NCOA2: variants seen among roughly 807,000 people sequenced by gnomAD.
NCOA2 encodes the protein nuclear receptor coactivator 2, also known as class E basic helix-loop-helix protein 75.
A neutral mutation model predicts 145.1 loss-of-function variants in NCOA2; 21 were observed. That is an observed-to-expected ratio of 0.14 (90% CI 0.10 to 0.21). The LOEUF (loss-of-function observed/expected upper bound fraction) is 0.21. NCOA2 is among the 10% of genes least tolerant of loss of function. The pLI, the probability that NCOA2 is intolerant of heterozygous loss-of-function variation, is 1.00. For synonymous variants in NCOA2, 619 were observed against 637.5 expected, an observed-to-expected ratio of 0.97 and a Z score of 0.44; for missense variants, 1,472 against 1,837.6, an observed-to-expected ratio of 0.80 and a Z score of 3.64.
rs144724083 is a variant in NCOA2 at position 70,111,502 on chromosome 8, A to G, written c.*2130T>C. 149 of 218,396 alleles carry G rather than the reference A, an allele frequency of 6.8e-4. 2 individuals carry two copies. The highest frequency in any genetic ancestry group is 3.0e-3 in the African/African-American group (135 of 44,586). 13.5% of individuals were successfully genotyped at this position (218,396 alleles called of 1,614,324 possible). A position where few individuals can be genotyped will look rare whatever the true frequency, so the allele number is the denominator to read the frequency against. Reference sequence around the variant, plus strand: ...TTTTCCATCACAGTTGGGCAACCCAATGGTTTGGTGGAGAAAAGTAGAGCC... The same window carrying G: ...TTTTCCATCACAGTTGGGCAACCCAGTGGTTTGGTGGAGAAAAGTAGAGCC... On this transcript the variant is annotated 3_prime_UTR_variant, in exon 23 of 23. Transcript: ENST00000452400.
chr8:70,439,199 A>G, the NCOA2 span, among the ~76,000 whole-genome samples: 3 of 152,216 alleles, frequency 2.0e-5, no homozygotes, highest in Non-Finnish European at 2.9e-5. Context: ...CCAGTTATAT[A>G]TGGAGTGCTA....
Position 70,113,412 on chromosome 8 carries a change from G to A in NCOA2, c.*220C>T, listed in dbSNP as rs565504552. 371 of 594,686 alleles carry A rather than the reference G, an allele frequency of 6.2e-4. 1 individual carries two copies. The African/African-American group carries it at 6.3e-3, about 10-fold the overall frequency. 36.8% of individuals were successfully genotyped at this position (594,686 alleles called of 1,614,324 possible). ...GGTGAATGCAGTGAACAGACTGAGC[G>A]ACTGTCTGGATGCGAGCTTCAGACT... On this transcript the variant is annotated 3_prime_UTR_variant, in exon 23 of 23. Coordinates refer to ENST00000452400, the MANE Select transcript of NCOA2 (RefSeq NM_006540.4).
At chr8:70,159,240 A>AT (rs1342064441) in intron 10 of NCOA2, among the ~76,000 whole-genome samples, 1 of 92,986 alleles carries the variant, frequency 1.1e-5, no homozygotes, top group African/African-American at 5.4e-5. Flanking sequence ...ATATATATAT[A>AT]TATTTTTTTT....
chr8:70,292,822 T>C (rs921655684), intron 2 of NCOA2, among the ~76,000 whole-genome samples: 14 of 152,264 alleles, frequency 9.2e-5, no homozygotes, highest in African/African-American at 3.4e-4. Flanking sequence ...TGTGTGCACA[T>C]AAAAGGAAGA....
At chr8:70,151,205 T>C (rs1056706638) in intron 11 of NCOA2, among the ~76,000 whole-genome samples, 3 of 152,010 alleles carry the variant, frequency 2.0e-5, no homozygotes, top group African/African-American at 7.2e-5. Context: ...TCTCAATGGA[T>C]ACATTTATAT....
At chr8:70,357,474 G>T (rs1809812019) in intron 1 of NCOA2, 1 of 152,436 alleles carries the variant, frequency 6.6e-6, no homozygotes, top group South Asian at 2.1e-4. Flanking sequence ...AGGTGCGGTG[G>T]CTCACGCCTG....
intron 4 of NCOA2, among the ~76,000 whole-genome samples, chr8:70,184,521 G>A (rs1815835694): frequency 6.6e-6 from 1 of 152,180 alleles, no homozygotes; most frequent in Non-Finnish European, 1.5e-5. Context: ...ACAGCTGATA[G>A]AGGAAAGCCA....
chr8:70,385,221 A>G (rs1812553118), intron 1 of NCOA2, among the ~76,000 whole-genome samples: 1 of 152,210 alleles, frequency 6.6e-6, no homozygotes, highest in South Asian at 2.1e-4. Flanking sequence ...CAAATAACTA[A>G]CCAAGATTTA....
chr8:70,291,779 G>A (rs1286659968), intron 2 of NCOA2, among the ~76,000 whole-genome samples: 2 of 152,128 alleles, frequency 1.3e-5, no homozygotes, highest in African/African-American at 2.4e-5. Flanking sequence ...CTTTAACCTC[G>A]ATTCACATGG....
chr8:70,424,456 GCATATCTTCGACCCA>G, the NCOA2 span: 1 of 502,394 alleles, frequency 2.0e-6, no homozygotes, highest in South Asian at 1.5e-5. Flanking sequence ...TACCACATGA[GCATATCTTCGACCCA>G]CACCCTCAAT....
intron 2 of NCOA2, among the ~76,000 whole-genome samples, chr8:70,267,847 T>G (rs797003049): frequency 2.6e-5 from 4 of 152,206 alleles, no homozygotes; most frequent in African/African-American, 7.2e-5. Context: ...AAAGCACCAA[T>G]GAAAATGGGA....
chr8:70,220,783 G>A (rs1820067989), intron 2 of NCOA2, among the ~76,000 whole-genome samples: 1 of 152,060 alleles, frequency 6.6e-6, no homozygotes, highest in Non-Finnish European at 1.5e-5. Context: ...TTATGTAAAC[G>A]ATAATATGCA....
intron 22 of NCOA2, 81 bp downstream of exon 22, chr8:70,121,221 T>C: frequency 8.7e-7 from 1 of 1,143,084 alleles, no homozygotes; most frequent in South Asian, 1.3e-5. Flanking sequence ...TGGTTGACAA[T>C]ATATCTATGC....
intron 11 of NCOA2, among the ~76,000 whole-genome samples, chr8:70,149,232 T>G (rs1029186733): frequency 2.6e-5 from 4 of 151,730 alleles, no homozygotes; most frequent in African/African-American, 7.3e-5. Flanking sequence ...ATAAAAATGT[T>G]TTTTTTGTTT....
intron 2 of NCOA2, among the ~76,000 whole-genome samples, chr8:70,232,870 T>TACACACACACAC (rs71275059): frequency 0.03 from 4,402 of 145,004 alleles, 158 homozygotes; most frequent in African/African-American, 0.08. Flanking sequence ...ATTTAGAATT[T>TACACACACACAC]ACACACACAC....
At chr8:70,309,100 A>C (rs999105207) in intron 1 of NCOA2, among the ~76,000 whole-genome samples, 2 of 152,138 alleles carry the variant, frequency 1.3e-5, no homozygotes, top group African/African-American at 4.8e-5. Flanking sequence ...CCATACTATG[A>C]AGAAGCCCAA....
intron 16 of NCOA2, among the ~76,000 whole-genome samples, chr8:70,130,378 C>T (rs1157657371): frequency 6.6e-6 from 1 of 152,098 alleles, no homozygotes; most frequent in Non-Finnish European, 1.5e-5. Flanking sequence ...AAAGACATGA[C>T]ACCTGTTTTG....
intron 1 of NCOA2, among the ~76,000 whole-genome samples, chr8:70,329,921 G>A (rs1186848522): frequency 1.3e-5 from 2 of 152,088 alleles, no homozygotes; most frequent in Non-Finnish European, 2.9e-5. Context: ...TCACCACAGC[G>A]GTTATCTCTG....
chr8:70,227,093 G>T (rs1820716094), intron 2 of NCOA2, among the ~76,000 whole-genome samples: 1 of 152,210 alleles, frequency 6.6e-6, no homozygotes, highest in Non-Finnish European at 1.5e-5. Context: ...CCACGGTTTT[G>T]TTGGCACCCA....
Sources: gnomAD v4.1 joint callset for allele counts (sites outside exome capture counted in the v4.1 genomes callset) on GRCh38, gnomAD v4.1.1 for gene constraint, MANE v1.5 for transcripts, NCBI Gene and HGNC (gene_info 2026-07-23, HGNC 2026-07-21) for gene names.